Variants in CDH23 observed in about 807,000 individuals in gnomAD.
CDH23 encodes cadherin related 23.
CDH23 carries 189 observed loss-of-function variants against 317.1 expected under a neutral mutation model. The observed-to-expected ratio is 0.60, with a 90% CI of 0.53 to 0.67. The LOEUF (loss-of-function observed/expected upper bound fraction) is 0.67. Ranked by LOEUF, CDH23 falls within the 30% of genes least tolerant of loss-of-function variation. The pLI is 0.00. For missense variants in CDH23, 4,401 were observed against 4,592.4 expected (o/e 0.96, Z 1.20); for synonymous variants, 1,839 against 1,876.8 (o/e 0.98, Z 0.52).
intron 38 of CDH23, among the ~76,000 whole-genome samples, chr10:71,757,383 C>G (rs1840176428): frequency 6.6e-6 from 1 of 152,194 alleles, no homozygotes; most frequent in Non-Finnish European, 1.5e-5. Flanking sequence ...CTGAGGCTTC[C>G]TTACGATCTG....
chr10:71,704,943 C>A lies in CDH23; in HGVS notation c.2766C>A (p.Asn922Lys). Residue 922 changes from asparagine (N) to lysine (K), a missense_variant, in exon 25 of 70, where the codon AAC (asparagine) becomes AAA (lysine). Coordinates refer to ENST00000224721, the MANE Select transcript of CDH23 (RefSeq NM_022124.6). ...VVAIDLDEGL[N>K]GLVSYRMPVG... is the part of the protein sequence containing the mutation. ...CCATCGACCTCGATGAGGGCCTGAACGGCCTGGTGTCCTACCGCATGCCGG... is the reference window on the plus strand; with the variant it reads ...CCATCGACCTCGATGAGGGCCTGAAAGGCCTGGTGTCCTACCGCATGCCGG... The A allele has an allele frequency of 6.2e-7, 1 of 1,612,912 alleles. No individual in the cohort carries two copies. The highest frequency in any genetic ancestry group is 2.2e-5 in the East Asian group (1 of 44,852).
intron 6 of CDH23, among the ~76,000 whole-genome samples, chr10:71,529,254 C>G (rs533071889): frequency 6.3e-4 from 96 of 152,194 alleles, no homozygotes; most frequent in Non-Finnish European, 1.2e-3. Context: ...AGGAAGCAGC[C>G]AGGGCCATGG....
chr10:71,493,526 C>T (rs993816366), intron 3 of CDH23, among the ~76,000 whole-genome samples: 7 of 151,476 alleles, frequency 4.6e-5, no homozygotes, highest in African/African-American at 1.7e-4. Context: ...GCCCCTGGCC[C>T]AGCATTTCCC....
chr10:71,442,571 C>G (rs771272835), intron 2 of CDH23, among the ~76,000 whole-genome samples: 1 of 151,468 alleles, frequency 6.6e-6, no homozygotes, highest in Non-Finnish European at 1.5e-5. Flanking sequence ...CCTGCCTTCT[C>G]TCTTTGAAGC....
At chr10:71,646,087 A>G (rs769991253) in intron 13 of CDH23, 107 bp downstream of exon 13, 393 of 1,395,270 alleles carry the variant, frequency 2.8e-4, no homozygotes, top group Non-Finnish European at 3.7e-4. Context: ...ACTGCTGCCC[A>G]TCTTCCCTTG....
intron 6 of CDH23, among the ~76,000 whole-genome samples, chr10:71,535,465 A>G (rs1368954627): frequency 6.6e-6 from 1 of 152,168 alleles, no homozygotes; most frequent in Non-Finnish European, 1.5e-5. Flanking sequence ...GCTTTGTGGC[A>G]CTGTAGAAGG....
intron 48 of CDH23, among the ~76,000 whole-genome samples, chr10:71,796,267 A>G (rs1841400092): frequency 6.6e-6 from 1 of 152,210 alleles, no homozygotes; most frequent in Non-Finnish European, 1.5e-5. Context: ...AGGTCCCAAG[A>G]AACGCAGCAC....
rs1306485114 is a variant in CDH23 at position 71,570,932 on chromosome 10, C to A, written c.753+14C>A. On this transcript the variant is annotated intron_variant, in intron 8 of 69. Coordinates refer to ENST00000224721, the MANE Select transcript of CDH23 (RefSeq NM_022124.6). ...CATTCTCCTCCGGTAAGACTCCTGGCCCTTCCTTCTCAGAAGTCCCTTCTC... is the reference window on the plus strand; with the variant it reads ...CATTCTCCTCCGGTAAGACTCCTGGACCTTCCTTCTCAGAAGTCCCTTCTC... 3.1e-6 allele frequency: 5 copies of A among 1,613,390 alleles called. No individual in the cohort carries two copies. Among genetic ancestry groups the A allele is most frequent in the Non-Finnish European group, 4.2e-6 (5 of 1,179,584 alleles).
intron 3 of CDH23, among the ~76,000 whole-genome samples, chr10:71,470,349 C>T (rs534195641): frequency 2.0e-5 from 3 of 152,324 alleles, no homozygotes; most frequent in South Asian, 2.1e-4. Context: ...ATTACATTCA[C>T]AGTGTTGTGC....
intron 6 of CDH23, among the ~76,000 whole-genome samples, chr10:71,531,365 C>T (rs1260805975): frequency 6.6e-6 from 1 of 152,192 alleles, no homozygotes; most frequent in Non-Finnish European, 1.5e-5. Flanking sequence ...GGTCATAAGC[C>T]CAGCATCACC....
At chr10:71,812,065 G>C (rs375206156) in intron 66 of CDH23, 50 bp downstream of exon 66, 9 of 1,613,644 alleles carry the variant, frequency 5.6e-6, no homozygotes, top group African/African-American at 4.0e-5. Context: ...GTCCTGCCAG[G>C]ACCCAGCTGG....
chr10:71,620,418 C>G lies in CDH23; in HGVS notation c.1134+3025C>G, dbSNP rs146646360. 5.8e-4 allele frequency among the ~76,000 whole-genome samples: 88 copies of G among 152,256 alleles called. No homozygotes were observed. The East Asian group carries it at 0.017, about 29-fold the overall frequency. On this transcript the variant is annotated intron_variant, in intron 11 of 69. Transcript: ENST00000224721. ...AGTGCCACCAGATGTAAGGCCGGAA[C>G]CCCCCAGGACTGCTCACCCCAACTG... is the stretch of plus-strand genomic sequence containing the variant.
chr10:71,611,740 C>T (rs1392129807), intron 9 of CDH23, among the ~76,000 whole-genome samples: 2 of 152,084 alleles, frequency 1.3e-5, no homozygotes. Flanking sequence ...ATTTCTTTTC[C>T]GAATTGCTTT....
rs562957631 is a variant in CDH23, at chr10:71,444,246, C to A, written c.68-2072C>A. Among the ~76,000 whole-genome samples the A allele has an allele frequency of 1.1e-4, 17 of 152,358 alleles. No individual in the cohort carries two copies. The Middle Eastern group carries it at 0.024, about 213-fold the overall frequency. ...TGTGTGCCAGTGGCACAGCGCTAAGCGCTTTATGTATGTAATCTCATTTAA... is the reference window on the plus strand; with the variant it reads ...TGTGTGCCAGTGGCACAGCGCTAAGAGCTTTATGTATGTAATCTCATTTAA... On this transcript the variant is annotated intron_variant, in intron 2 of 69. Coordinates refer to ENST00000224721, the MANE Select transcript of CDH23 (RefSeq NM_022124.6).
intron 1 of CDH23, among the ~76,000 whole-genome samples, chr10:71,425,952 G>A (rs1849058030): frequency 2.0e-5 from 3 of 152,200 alleles, no homozygotes; most frequent in Admixed American, 2.0e-4. Flanking sequence ...TGGGGTGCAA[G>A]GGATGAGAGC....
intron 11 of CDH23, among the ~76,000 whole-genome samples, chr10:71,629,924 G>A (rs1861922525): frequency 6.6e-6 from 1 of 152,210 alleles, no homozygotes; most frequent in African/African-American, 2.4e-5. Context: ...ACAACCCAGT[G>A]AATGTAGGAA....
At chr10:71,627,880 A>G (rs1861819276) in intron 11 of CDH23, among the ~76,000 whole-genome samples, 1 of 152,136 alleles carries the variant, frequency 6.6e-6, no homozygotes. Flanking sequence ...TGGGAATCAG[A>G]AGCAGAGCTG....
At chr10:71,572,685 C>T (rs921759918) in intron 8 of CDH23, among the ~76,000 whole-genome samples, 1 of 152,168 alleles carries the variant, frequency 6.6e-6, no homozygotes, top group Non-Finnish European at 1.5e-5. Context: ...TAATTTTTTC[C>T]CTGGCTTCTT....
intron 1 of CDH23, among the ~76,000 whole-genome samples, chr10:71,415,334 GAT>G: frequency 6.6e-6 from 1 of 152,240 alleles, no homozygotes; most frequent in South Asian, 2.1e-4. Context: ...GGGCTCAAAT[GAT>G]CCTCCTTCCT....
Sources: allele counts gnomAD v4.1 joint callset (sites outside exome capture counted in the v4.1 genomes callset), GRCh38; gene constraint gnomAD v4.1.1; transcripts MANE v1.5; gene names NCBI Gene and HGNC (gene_info 2026-07-23, HGNC 2026-07-21).